The following NINJ2 variants were observed in gnomAD, a reference collection of about 807,000 sequenced individuals.
The protein encoded by NINJ2 is ninjurin 2, also known as ninjurin-2.
A neutral mutation model predicts 11.7 loss-of-function variants in NINJ2; 12 were observed. That is an observed-to-expected ratio of 1.02 (90% CI 0.66 to 1.66). The LOEUF (loss-of-function observed/expected upper bound fraction) is 1.66. Ranked by LOEUF, NINJ2 falls within the 40% of genes most tolerant of loss-of-function variation. NINJ2 has a pLI of 0.00. For synonymous variants in NINJ2, 93 were observed against 76.8 expected (o/e 1.21, Z -1.10); for missense variants, 187 against 181.8 (o/e 1.03, Z -0.16).
rs552807631 is a variant in NINJ2 at position 623,908 on chromosome 12, C to T, written c.33+39420G>A. Among the ~76,000 whole-genome samples, 38 of 152,168 alleles carry T rather than the reference C, an allele frequency of 2.5e-4. No homozygotes were observed. In the South Asian group the frequency reaches 3.1e-3, roughly 12 times the overall value. On this transcript the variant is annotated intron_variant, in intron 1 of 3. Transcript: ENST00000305108. ...AAGTAGCTAGGTGTGGTTGTGCACACGCCTGTAGTCCCAGCTGCTCAGAAG... is the reference window on the plus strand; with the variant it reads ...AAGTAGCTAGGTGTGGTTGTGCACATGCCTGTAGTCCCAGCTGCTCAGAAG...
At chr12:610,285 C>A (rs1948010925) in intron 1 of NINJ2, 1 of 1,399,500 alleles carries the variant, frequency 7.1e-7, no homozygotes, top group Non-Finnish European at 9.8e-7. Context: ...CCTGCCCAGT[C>A]CCCAGTGCCC....
chr12:631,047 G>A (rs909840038), intron 1 of NINJ2: 1 of 152,290 alleles, frequency 6.6e-6, no homozygotes, highest in African/African-American at 2.4e-5. Flanking sequence ...CCGCAGAAAG[G>A]TTGGTGGGGA....
intron 1 of NINJ2, among the ~76,000 whole-genome samples, chr12:597,408 G>C (rs906203501): frequency 1.3e-5 from 2 of 152,192 alleles, no homozygotes; most frequent in Admixed American, 1.3e-4. Flanking sequence ...TTACAGATGG[G>C]CTTTTGAGAT....
intron 1 of NINJ2, among the ~76,000 whole-genome samples, chr12:634,726 T>C (rs896697027): frequency 1.3e-5 from 2 of 152,206 alleles, no homozygotes; most frequent in Non-Finnish European, 2.9e-5. Context: ...ATAAAATGTT[T>C]GCCCAACGCT....
intron 1 of NINJ2, chr12:644,629 A>G (rs1937647321): frequency 6.6e-6 from 1 of 152,214 alleles, no homozygotes; most frequent in Non-Finnish European, 1.5e-5. Flanking sequence ...GTTAGACGTT[A>G]TAAGCACAGT....
chr12:638,343 T>A (rs1308538797), intron 1 of NINJ2, among the ~76,000 whole-genome samples: 2 of 152,228 alleles, frequency 1.3e-5, no homozygotes. Flanking sequence ...TATGCATACG[T>A]TGTGTTGTTA....
At chr12:616,512 G>A (rs145899040) in intron 1 of NINJ2, among the ~76,000 whole-genome samples, 35 of 152,326 alleles carry the variant, frequency 2.3e-4, no homozygotes, top group African/African-American at 7.7e-4. Context: ...TCATCTGTGC[G>A]TGAGCTTCAT....
intron 1 of NINJ2, chr12:632,355 C>T (rs976251964): frequency 6.6e-6 from 1 of 152,170 alleles, no homozygotes; most frequent in African/African-American, 2.4e-5. Flanking sequence ...TGATGAAATT[C>T]CAGTGTCAGG....
chr12:631,510 C>T (rs1322634984), intron 1 of NINJ2, among the ~76,000 whole-genome samples: 7 of 152,072 alleles, frequency 4.6e-5, no homozygotes, highest in Non-Finnish European at 7.4e-5. Flanking sequence ...AGTACAGGCG[C>T]GCGCCACCAC....
intron 1 of NINJ2, among the ~76,000 whole-genome samples, chr12:599,256 C>G (rs981317355): frequency 2.0e-5 from 3 of 151,652 alleles, no homozygotes; most frequent in African/African-American, 7.3e-5. Flanking sequence ...TGGTGGCAGG[C>G]GCCTGTAATC....
rs560759098 is a variant in NINJ2, at chr12:606,804, A to G, written c.34-40626T>C. Among the ~76,000 whole-genome samples, 10 of 152,316 alleles carry G rather than the reference A, an allele frequency of 6.6e-5. No homozygotes were observed. The East Asian group carries it at 1.9e-3, about 29-fold the overall frequency. ...TGCGCCACCAAAATCAAGGAAGAAG[A>G]CAAGGAACCCACAGGACTGTGGGCC... On this transcript the variant is annotated intron_variant, in intron 1 of 3. Transcript: ENST00000305108.
chr12:643,836 AG>A, intron 1 of NINJ2: 1 of 226,308 alleles, frequency 4.4e-6, no homozygotes, highest in Non-Finnish European at 7.5e-6. Flanking sequence ...CTCATCGCTC[AG>A]GTCTTAGATG....
At chr12:641,251 G>A (rs1948413047) in intron 1 of NINJ2, among the ~76,000 whole-genome samples, 1 of 152,150 alleles carries the variant, frequency 6.6e-6, no homozygotes, top group Non-Finnish European at 1.5e-5. Context: ...CCACTTGGAA[G>A]GGGGAATGGG....
intron 1 of NINJ2, among the ~76,000 whole-genome samples, chr12:598,847 G>A (rs1269839354): frequency 1.3e-5 from 2 of 151,744 alleles, no homozygotes; most frequent in African/African-American, 4.8e-5. Flanking sequence ...CCACAGATGT[G>A]CACCACCACA....
chr12:582,091 C>T (rs1029787850), intron 1 of NINJ2, among the ~76,000 whole-genome samples: 10 of 152,318 alleles, frequency 6.6e-5, no homozygotes, highest in African/African-American at 1.9e-4. Context: ...CAAAGTCACA[C>T]GGCTAGGAGA....
At position 580,027 on chromosome 12, in the gene NINJ2, G is replaced by A. The variant is rs541079503; in HGVS notation, c.34-13849C>T. ...GCCTCTGGCTGCTGGTTCAAAAGAC[G>A]GTTTGGATCCATTCACTCCTCTCTG... On this transcript the variant is annotated intron_variant, in intron 1 of 3. Coordinates refer to ENST00000305108, the MANE Select transcript of NINJ2 (RefSeq NM_016533.6). This position sits in a 1 kb window ranked among gnomAD's most constrained non-coding sequence, Gnocchi z 4.7. Among the ~76,000 whole-genome samples the A allele has an allele frequency of 2.7e-4, 41 of 151,836 alleles. No homozygotes were observed. The highest frequency in any genetic ancestry group is 5.8e-4 in the East Asian group (3 of 5,164).
chr12:613,952 A>C (rs1289191602), intron 1 of NINJ2, among the ~76,000 whole-genome samples: 1 of 152,156 alleles, frequency 6.6e-6, no homozygotes, highest in Non-Finnish European at 1.5e-5. Context: ...TAATTAATTA[A>C]AAATGGCCTT....
chr12:565,866 A>G, intron 2 of NINJ2, 84 bp downstream of exon 2: 1 of 1,166,824 alleles, frequency 8.6e-7, no homozygotes, highest in South Asian at 1.2e-5. Context: ...GTGCCAATGC[A>G]GGGTGGCCCA....
At chr12:638,300 A>G (rs1351815276) in intron 1 of NINJ2, among the ~76,000 whole-genome samples, 1 of 152,266 alleles carries the variant, frequency 6.6e-6, no homozygotes, top group African/African-American at 2.4e-5. Context: ...TACTCCAGCC[A>G]GGGTTCCAGG....
Sources: gnomAD v4.1 joint callset for allele counts (sites outside exome capture counted in the v4.1 genomes callset) on GRCh38, gnomAD v4.1.1 for gene constraint, Gnocchi (gnomAD v3.1) non-coding constraint, MANE v1.5 for transcripts, NCBI Gene and HGNC (gene_info 2026-07-23, HGNC 2026-07-21) for gene names.